Variants in EIF5B observed in about 807,000 individuals in gnomAD.
EIF5B encodes the protein eIF-5B.
In EIF5B, 47 loss-of-function variants were observed where a neutral mutation model predicts 147.5. The observed-to-expected ratio is 0.32, with a 90% CI of 0.25 to 0.41. The LOEUF (loss-of-function observed/expected upper bound fraction) is 0.41, where lower values mean the gene tolerates loss of function less well. Ranked by LOEUF, EIF5B falls within the 10% of genes least tolerant of loss-of-function variation. The probability of loss-of-function intolerance (pLI) is 1.00; values close to 1 mark genes in which losing one functional copy is unlikely to be tolerated. For synonymous variants in EIF5B, 455 were observed against 456.2 expected (o/e 1.00, Z 0.03); for missense variants, 1,064 against 1,413.2 (o/e 0.75, Z 3.96).
Position 99,376,472 on chromosome 2 carries a change from A to T in EIF5B, c.1678A>T (p.Ser560Cys). The T allele has an allele frequency of 6.2e-7, 1 of 1,609,546 alleles. No individual in the cohort carries two copies. The change falls in exon 10 of 24, where the codon AGT becomes TGT. Residue 560 changes from serine (S) to cysteine (C), a missense_variant. By Grantham distance (112) the Ser-to-Cys change is moderately radical. Around this residue, in one of 4 missense-constraint regions of EIF5B, gnomAD observed 195 missense variants for 186.3 expected, o/e 1.05. Transcript: ENST00000289371. ...GGAAGAGGAGGGAGAAAGTGAAGGC[A>T]GTGAAGGTGATGAGGAAGATGAAAA... is the stretch of plus-strand genomic sequence containing the variant. ...EEEEEGESEG[S>C]EGDEEDEKVS...
At chr2:99,392,911 T>C (rs1479259039) in intron 17 of EIF5B, 56 bp from the exon 18 acceptor site, 8 of 1,337,940 alleles carry the variant, frequency 6.0e-6, no homozygotes, top group Non-Finnish European at 7.8e-6. Flanking sequence ...TATATCATCT[T>C]CTACTGCTAA....
chr2:99,389,192 A>G (rs1280562179), intron 14 of EIF5B, among the ~76,000 whole-genome samples: 2 of 152,166 alleles, frequency 1.3e-5, no homozygotes, highest in Non-Finnish European at 2.9e-5. Context: ...TTTGGCTAGC[A>G]AGTATTTTTC....
chr2:99,397,060 T>A, intron 22 of EIF5B, 162 bp downstream of exon 22: 1 of 740,250 alleles, frequency 1.4e-6, no homozygotes, highest in Non-Finnish European at 1.9e-6. Context: ...TTTACCTCAG[T>A]AGGAAGAAAA....
At chr2:99,369,629 T>C (rs2104198029) in intron 8 of EIF5B, 148 bp downstream of exon 8, 1 of 561,430 alleles carries the variant, frequency 1.8e-6, no homozygotes, top group African/African-American at 1.9e-5. Flanking sequence ...TTCTTTCTTT[T>C]CTATTTCTTT....
At chr2:99,383,179 ACTT>A (rs1674728748) in intron 14 of EIF5B, among the ~76,000 whole-genome samples, 1 of 151,636 alleles carries the variant, frequency 6.6e-6, no homozygotes, top group Admixed American at 6.6e-5. Context: ...GCTTGTGTTC[ACTT>A]CTTGTCACAT....
chr2:99,345,163 AATT>A (rs2094269736), intron 1 of EIF5B, among the ~76,000 whole-genome samples: 1 of 152,228 alleles, frequency 6.6e-6, no homozygotes, highest in African/African-American at 2.4e-5. Context: ...AAAGTACAGT[AATT>A]ATTATAGTGT....
chr2:99,350,781 TCTTAAA>T (rs1442182945), intron 1 of EIF5B, among the ~76,000 whole-genome samples: 1 of 152,228 alleles, frequency 6.6e-6, no homozygotes, highest in Non-Finnish European at 1.5e-5. Context: ...GCTTTTGAGG[TCTTAAA>T]CAACGTTATG....
intron 4 of EIF5B, 91 bp from the exon 5 acceptor site, chr2:99,363,554 A>G (rs1674265970): frequency 1.5e-6 from 2 of 1,331,178 alleles, no homozygotes; most frequent in East Asian, 2.3e-5. Context: ...TTGGCCCATT[A>G]TGGTCCTTGA....
At chr2:99,358,378 A>G (rs1674137752) in intron 1 of EIF5B, among the ~76,000 whole-genome samples, 1 of 152,156 alleles carries the variant, frequency 6.6e-6, no homozygotes, top group Non-Finnish European at 1.5e-5. Flanking sequence ...TAAAATACAA[A>G]TTGGATTATG....
At chr2:99,357,104 T>C (rs1003709791) in intron 1 of EIF5B, among the ~76,000 whole-genome samples, 5 of 152,256 alleles carry the variant, frequency 3.3e-5, no homozygotes, top group Non-Finnish European at 7.3e-5. Context: ...TGCCTTGATC[T>C]GTGTGTCTCT....
chr2:99,373,128 A>C (rs1415547468), intron 9 of EIF5B, among the ~76,000 whole-genome samples: 1 of 152,230 alleles, frequency 6.6e-6, no homozygotes, highest in African/African-American at 2.4e-5. Flanking sequence ...TTGATATAAA[A>C]GTCTACCTAA....
rs759256923 is a variant in EIF5B at position 99,394,368 on chromosome 2, A to G, written c.2982A>G (p.Leu994=). ...QASTLGSLEA[L]LEFLKTSEVP... Reference sequence around the variant, plus strand: ...CTACACTGGGTTCTTTGGAAGCTCTACTGGAATTTCTGAAAACATCAGAAG... The same window carrying G: ...CTACACTGGGTTCTTTGGAAGCTCTGCTGGAATTTCTGAAAACATCAGAAG... Residue 994 remains leucine (L), a synonymous_variant, in exon 19 of 24, where the codon CTA becomes CTG. Coordinates refer to ENST00000289371, the MANE Select transcript of EIF5B (RefSeq NM_015904.4). 5 of 1,613,940 alleles carry G rather than the reference A, an allele frequency of 3.1e-6. No individual in the cohort carries two copies. The highest frequency in any genetic ancestry group is 4.2e-6 in the Non-Finnish European group (5 of 1,180,008).
intron 6 of EIF5B, among the ~76,000 whole-genome samples, chr2:99,367,523 G>A (rs1674354381): frequency 6.7e-6 from 1 of 150,144 alleles, no homozygotes; most frequent in South Asian, 2.1e-4. Context: ...TGCAACCTCT[G>A]CCTCCCAGGT....
At position 99,345,611 on chromosome 2, in the gene EIF5B, A is replaced by AAAAAT. The variant is rs59203969; in HGVS notation, c.35+8022_35+8023insAAAAT. On this transcript the variant is annotated intron_variant, in intron 1 of 23. Transcript: ENST00000289371. ...TGTCTCAAAAAAAAAAAAAAAAAAA[A>AAAAAT]GGAATGTCTAACATGCCTTTCTGGT... 3.0e-5 allele frequency among the ~76,000 whole-genome samples: 4 copies of AAAAAT among 135,486 alleles called. 1 individual carries two copies. Among genetic ancestry groups the AAAAAT allele is most frequent in the Admixed American group, 1.5e-4 (2 of 12,930 alleles). The allele number at this position is 135,486 out of a possible 152,430, so 88.9% of individuals were successfully genotyped here.
At chr2:99,339,320 A>C (rs1172382208) in intron 1 of EIF5B, among the ~76,000 whole-genome samples, 3 of 151,960 alleles carry the variant, frequency 2.0e-5, no homozygotes, top group Non-Finnish European at 4.4e-5. Flanking sequence ...GCCCCCACCT[A>C]CTAGATATTT....
chr2:99,373,954 T>C (rs1674507121), intron 9 of EIF5B, among the ~76,000 whole-genome samples: 1 of 152,180 alleles, frequency 6.6e-6, no homozygotes, highest in Non-Finnish European at 1.5e-5. Context: ...GCAGGGACTT[T>C]AGAGTACTTG....
At chr2:99,371,128 A>G (rs1674436275) in intron 8 of EIF5B, 1 of 152,244 alleles carries the variant, frequency 6.6e-6, no homozygotes, top group Non-Finnish European at 1.5e-5. Context: ...TAAGTTTAAT[A>G]TGTTGGCAGT....
intron 9 of EIF5B, among the ~76,000 whole-genome samples, chr2:99,375,822 C>T (rs1460702362): frequency 6.6e-6 from 1 of 152,188 alleles, no homozygotes; most frequent in Admixed American, 6.5e-5. Context: ...ATTCAAAAAT[C>T]TGAAATCTGA....
chr2:99,390,434 T>A, intron 16 of EIF5B, 33 bp downstream of exon 16: 1 of 1,571,802 alleles, frequency 6.4e-7, no homozygotes, highest in Non-Finnish European at 8.6e-7. Flanking sequence ...ATTGTTTTTT[T>A]TTTTTTTAAA....
Sources: allele counts gnomAD v4.1 joint callset (sites outside exome capture counted in the v4.1 genomes callset), GRCh38; gene constraint gnomAD v4.1.1; regional missense constraint gnomAD v4.1.1; transcripts MANE v1.5; gene names NCBI Gene and HGNC (gene_info 2026-07-23, HGNC 2026-07-21).